SNX32: variants seen among roughly 807,000 people sequenced by gnomAD.
SNX32 encodes the protein sorting nexin-32.
SNX32 carries 58 observed loss-of-function variants against 57.0 expected under a neutral mutation model. That is an observed-to-expected ratio of 1.02 (90% confidence interval 0.82 to 1.27). SNX32 has a LOEUF of 1.27. Among genes scored for constraint, SNX32 ranks in the 50% most tolerant of loss-of-function variants. The probability of loss-of-function intolerance (pLI) is 0.00; values close to 1 mark genes in which losing one functional copy is unlikely to be tolerated. For synonymous variants in SNX32, 262 were observed against 220.4 expected, an observed-to-expected ratio of 1.19 and a Z score of -1.67; for missense variants, 589 against 541.2, an observed-to-expected ratio of 1.09 and a Z score of -0.88.
Position 65,839,554 on chromosome 11 carries a change from A to C in SNX32, c.36+5453A>C, listed in dbSNP as rs755941134. ...GAGACGATGTTTCACCATGTTGGCC[A>C]GGCTGGTCTTGAACTCCTGACCTCA... On this transcript the variant is annotated intron_variant, in intron 1 of 12. Coordinates refer to ENST00000308342, the MANE Select transcript of SNX32 (RefSeq NM_152760.3). 2.5e-3 allele frequency among the ~76,000 whole-genome samples: 377 copies of C among 150,748 alleles called. 1 individual carries two copies. Among genetic ancestry groups the C allele is most frequent in the Admixed American group, 5.4e-3 (81 of 15,070 alleles).
In SNX32 at chr11:65,849,602, G is replaced by A. The variant is rs751970588; in HGVS notation, c.141+20G>A. 77 of 1,605,402 alleles carry A rather than the reference G, an allele frequency of 4.8e-5. No homozygotes were observed. The highest frequency in any genetic ancestry group is 1.8e-4 in the East Asian group (8 of 44,664). On this transcript the variant is annotated intron_variant, in intron 2 of 12. Transcript: ENST00000308342. ...ACAAAGGTGAGGCAGTGCGGGGCACGAGGAAAGGTCCTGGTGGCTGCCCGC... is the reference window on the plus strand; with the variant it reads ...ACAAAGGTGAGGCAGTGCGGGGCACAAGGAAAGGTCCTGGTGGCTGCCCGC...
rs1206454206 is a variant in SNX32, at chr11:65,849,593, G to A, written c.141+11G>A. ...ACTGTTCAAACAAAGGTGAGGCAGT[G>A]CGGGGCACGAGGAAAGGTCCTGGTG... On this transcript the variant is annotated intron_variant, in intron 2 of 12. Transcript: ENST00000308342. 12 of 1,612,498 alleles carry A rather than the reference G, an allele frequency of 7.4e-6. No individual in the cohort carries two copies. In the South Asian group the frequency reaches 9.9e-5, roughly 13 times the overall value.
chr11:65,847,341 C>T (rs937015884), intron 1 of SNX32, among the ~76,000 whole-genome samples: 1 of 152,016 alleles, frequency 6.6e-6, no homozygotes, highest in African/African-American at 2.4e-5. Flanking sequence ...GGCATGGTGG[C>T]ACATGCCCGT....
intron 12 of SNX32, 112 bp downstream of exon 12, chr11:65,853,070 C>CGT: frequency 3.1e-6 from 4 of 1,301,372 alleles, no homozygotes; most frequent in East Asian, 2.3e-5. Context: ...CATGTATGCG[C>CGT]GTGTGTGTGC....
chr11:65,849,479 C>T lies in SNX32; in HGVS notation c.38C>T (p.Pro13Leu), dbSNP rs1859094425. The change falls in exon 2 of 13, where the codon CCT becomes CTT. Residue 13 changes from proline to leucine, a missense_variant and splice_region_variant. Physicochemically the swap from Pro to Leu is moderately conservative, Grantham distance 98. Coordinates refer to ENST00000308342, the MANE Select transcript of SNX32 (RefSeq NM_152760.3). The stretch of plus-strand genomic sequence containing the variant: ...CCAGAGACCTCCCCTCCTCCGCAGC[C>T]TTCCTGTGCATCGGTGGATCTGCAG... The part of the protein sequence containing the change: ...TYAEVGKEGK[P>L]SCASVDLQGD... 2 of 1,609,646 alleles carry T rather than the reference C, an allele frequency of 1.2e-6. No homozygotes were observed. The highest frequency in any genetic ancestry group is 1.7e-6 in the Non-Finnish European group (2 of 1,177,324).
rs1555032605 is a variant in SNX32 at position 65,839,215 on chromosome 11, A to ATTT, written c.36+5119_36+5121dup. 3.6e-3 allele frequency among the ~76,000 whole-genome samples: 70 copies of ATTT among 19,518 alleles called. 1 individual carries two copies. The highest frequency in any genetic ancestry group is 4.4e-3 in the African/African-American group (33 of 7,426). The allele number at this position is 19,518 out of a possible 152,430, so 12.8% of individuals were successfully genotyped here. On this transcript the variant is annotated intron_variant, in intron 1 of 12. Coordinates refer to ENST00000308342, the MANE Select transcript of SNX32 (RefSeq NM_152760.3). Reference sequence around the variant, plus strand: ...AGCTGTGCCCCACCACGCCCAGCTAATTTTTTTGTATTTTTTTTTTTTTTT... The same window carrying ATTT: ...AGCTGTGCCCCACCACGCCCAGCTAATTTTTTTTTTGTATTTTTTTTTTTTTTT...
chr11:65,839,225 ATTTT>A (rs1168882508), intron 1 of SNX32, among the ~76,000 whole-genome samples: 12 of 27,640 alleles, frequency 4.3e-4, no homozygotes, highest in Middle Eastern at 0.026. Flanking sequence ...ATTTTTTTGT[ATTTT>A]TTTTTTTTTT....
At chr11:65,853,032 G>A (rs1859268688) in intron 12 of SNX32, 74 bp downstream of exon 12, 1 of 1,512,696 alleles carries the variant, frequency 6.6e-7, no homozygotes, top group South Asian at 1.1e-5. Context: ...CAGGCACCAG[G>A]GTGTGCGTGC....
chr11:65,849,464 C>G lies in SNX32; in HGVS notation c.37-14C>G. On this transcript the variant is annotated splice_polypyrimidine_tract_variant and intron_variant, in intron 1 of 12. Transcript: ENST00000308342. ...CCATGCTCAGCCAGGCCAGAGACCT[C>G]CCCTCCTCCGCAGCCTTCCTGTGCA... 1 of 1,598,474 alleles carries G rather than the reference C, an allele frequency of 6.3e-7. No individual in the cohort carries two copies. Among genetic ancestry groups the G allele is most frequent in the Non-Finnish European group, 8.5e-7 (1 of 1,170,702 alleles).
At chr11:65,849,037 G>A (rs1464323186) in intron 1 of SNX32, among the ~76,000 whole-genome samples, 3 of 152,048 alleles carry the variant, frequency 2.0e-5, no homozygotes, top group Non-Finnish European at 4.4e-5. Flanking sequence ...CCAGCTACTC[G>A]GGAGGCTGAG....
In SNX32 at chr11:65,842,311, G is replaced by A. The variant is rs138617188; in HGVS notation, c.37-7167G>A. ...ACAGTGCTCAAATAGCTGGCCACAT[G>A]GCACAATGAATCATAACCCATACCT... On this transcript the variant is annotated intron_variant, in intron 1 of 12. Coordinates refer to ENST00000308342, the MANE Select transcript of SNX32 (RefSeq NM_152760.3). Among the ~76,000 whole-genome samples, 776 of 152,232 alleles carry A rather than the reference G, an allele frequency of 5.1e-3. 10 individuals are homozygous for A. The highest frequency in any genetic ancestry group is 0.016 in the African/African-American group (676 of 41,526).
At chr11:65,852,164 T>TC (rs1333930942) in intron 9 of SNX32, among the ~76,000 whole-genome samples, 3 of 152,036 alleles carry the variant, frequency 2.0e-5, no homozygotes, top group African/African-American at 7.3e-5. Context: ...AGCCACTGCC[T>TC]CCCTCCCCTG....
chr11:65,834,176 G>GGT (rs1858583889), intron 1 of SNX32, 75 bp downstream of exon 1: 6 of 444,784 alleles, frequency 1.3e-5, no homozygotes, highest in East Asian at 7.6e-5. Context: ...ATCATGCGGT[G>GGT]GTGTGTGTGT....
intron 1 of SNX32, among the ~76,000 whole-genome samples, chr11:65,839,792 T>G (rs1858790602): frequency 6.6e-6 from 1 of 151,060 alleles, no homozygotes; most frequent in Non-Finnish European, 1.5e-5. Context: ...TAATACTTCA[T>G]GAACAAGGCC....
Position 65,853,471 on chromosome 11 carries a change from G to A in SNX32, c.*136G>A. On this transcript the variant is annotated 3_prime_UTR_variant, in exon 13 of 13. Coordinates refer to ENST00000308342, the MANE Select transcript of SNX32 (RefSeq NM_152760.3). Reference sequence around the variant, plus strand: ...CCTCACTCTGCCCCACATCCTCTCAGGGAAAGCCCAAACCCCCTATCACCA... The same window carrying A: ...CCTCACTCTGCCCCACATCCTCTCAAGGAAAGCCCAAACCCCCTATCACCA... 9.0e-6 allele frequency: 8 copies of A among 887,920 alleles called. No homozygotes were observed. The highest frequency in any genetic ancestry group is 1.4e-5 in the Non-Finnish European group (8 of 557,516). The allele number at this position is 887,920 out of a possible 1,614,324, so 55.0% of individuals were successfully genotyped here. A position where few individuals can be genotyped will look rare whatever the true frequency, so the allele number is the denominator to read the frequency against.
chr11:65,849,589 C>A lies in SNX32; in HGVS notation c.141+7C>A. 6.2e-7 allele frequency: 1 copy of A among 1,612,764 alleles called. No individual in the cohort carries two copies. The highest frequency in any genetic ancestry group is 8.5e-7 in the Non-Finnish European group (1 of 1,178,904). On this transcript the variant is annotated splice_region_variant and intron_variant, in intron 2 of 12. Transcript: ENST00000308342. ...ATTCACTGTTCAAACAAAGGTGAGG[C>A]AGTGCGGGGCACGAGGAAAGGTCCT... is the stretch of plus-strand genomic sequence containing the variant.
chr11:65,845,920 C>T lies in SNX32; in HGVS notation c.37-3558C>T, dbSNP rs76099410. Among the ~76,000 whole-genome samples the T allele has an allele frequency of 4.7e-4, 72 of 152,280 alleles. 1 individual carries two copies. In the East Asian group the frequency reaches 0.013, roughly 27 times the overall value. On this transcript the variant is annotated intron_variant, in intron 1 of 12. Coordinates refer to ENST00000308342, the MANE Select transcript of SNX32 (RefSeq NM_152760.3). The stretch of plus-strand genomic sequence containing the variant: ...ACAACGTAGAGAGCTCTCTAAAGAA[C>T]AGGGGCACAAAAGAATACACAATGC...
chr11:65,851,798 G>T, intron 9 of SNX32, 119 bp downstream of exon 9: 1 of 1,125,864 alleles, frequency 8.9e-7, no homozygotes, highest in Non-Finnish European at 1.3e-6. Flanking sequence ...GGGCCCAGTG[G>T]CAAGTTGGGC....
rs760599010 is a variant in SNX32, at chr11:65,850,493, C to A, written c.437C>A (p.Ala146Glu). Residue 146 changes from alanine to glutamate, a missense_variant, in exon 5 of 13, where the codon GCG becomes GAG. Transcript: ENST00000308342. ...AMHEVFLQRL[A>E]AHPTLRRDHN... is the part of the protein sequence containing the mutation. Reference sequence around the variant, plus strand: ...CACGAAGTCTTTCTGCAGCGCCTGGCGGCCCACCCCACCCTGCGTCGAGAC... The same window carrying A: ...CACGAAGTCTTTCTGCAGCGCCTGGAGGCCCACCCCACCCTGCGTCGAGAC... 2.5e-6 allele frequency: 4 copies of A among 1,614,040 alleles called. No individual in the cohort carries two copies. The highest frequency in any genetic ancestry group is 3.4e-6 in the Non-Finnish European group (4 of 1,179,946).
Sources: allele counts gnomAD v4.1 joint callset (sites outside exome capture counted in the v4.1 genomes callset), GRCh38; gene constraint gnomAD v4.1.1; transcripts MANE v1.5; gene names NCBI Gene and HGNC (gene_info 2026-07-23, HGNC 2026-07-21).